Variants in ERC2 observed in about 807,000 individuals in gnomAD.
ERC2 encodes ELKS/RAB6-interacting/CAST family member 2, also known as ERC protein 2.
ERC2 carries 42 observed loss-of-function variants against 114.8 expected under a neutral mutation model. The ratio of observed to expected loss-of-function variants is 0.37; its 90% confidence interval spans 0.29 to 0.47. The LOEUF (loss-of-function observed/expected upper bound fraction) is 0.47, where lower values mean the gene tolerates loss of function less well. ERC2 is among the 20% of genes least tolerant of loss of function. The pLI, the probability that ERC2 is intolerant of heterozygous loss-of-function variation, is 0.99. For missense variants in ERC2, 939 were observed against 1,150.7 expected (o/e 0.82, Z 2.66); for synonymous variants, 454 against 425.5 (o/e 1.07, Z -0.82).
intron 14 of ERC2, among the ~76,000 whole-genome samples, chr3:55,882,024 T>C (rs932250322): frequency 6.6e-6 from 1 of 152,192 alleles, no homozygotes; most frequent in African/African-American, 2.4e-5. Flanking sequence ...GGTTTGAATA[T>C]TTGTCCCCTC....
chr3:56,101,233 A>G (rs1436088044), intron 6 of ERC2, among the ~76,000 whole-genome samples: 1 of 152,164 alleles, frequency 6.6e-6, no homozygotes, highest in African/African-American at 2.4e-5. Context: ...CACCTCCGTA[A>G]CTCATATCAC....
chr3:56,372,886 CA>C (rs1327395753), intron 2 of ERC2, among the ~76,000 whole-genome samples: 1 of 152,190 alleles, frequency 6.6e-6, no homozygotes, highest in African/African-American at 2.4e-5. Context: ...CCTAACTAAG[CA>C]ACTCAGGCAG....
At chr3:56,370,748 C>T (rs148741695) in intron 2 of ERC2, among the ~76,000 whole-genome samples, 5,048 of 152,036 alleles carry the variant, frequency 0.033, 179 homozygotes, top group African/African-American at 0.081. Flanking sequence ...GCATGCACCA[C>T]CACACCCAGC....
chr3:56,148,326 C>G (rs942006520), intron 5 of ERC2, among the ~76,000 whole-genome samples: 2 of 152,072 alleles, frequency 1.3e-5, no homozygotes, highest in African/African-American at 4.8e-5. Flanking sequence ...TGCTCTGTCA[C>G]CCAGGCTGGA....
At chr3:55,568,606 C>T (rs914958896) in intron 17 of ERC2, among the ~76,000 whole-genome samples, 1 of 152,162 alleles carries the variant, frequency 6.6e-6, no homozygotes, top group Admixed American at 6.5e-5. Flanking sequence ...TGCTTCCCTC[C>T]ATCTCCACTG....
At chr3:56,034,790 T>C (rs1212370263) in intron 7 of ERC2, among the ~76,000 whole-genome samples, 1 of 151,848 alleles carries the variant, frequency 6.6e-6, no homozygotes, top group Non-Finnish European at 1.5e-5. Flanking sequence ...AATGGAAACA[T>C]AGCATACAAA....
intron 2 of ERC2, among the ~76,000 whole-genome samples, chr3:56,412,368 T>C (rs1339281986): frequency 6.6e-6 from 1 of 152,240 alleles, no homozygotes; most frequent in Admixed American, 6.5e-5. Flanking sequence ...GGTAGTTTGT[T>C]ATGGCAATGC....
chr3:56,262,186 C>T (rs1477806072), intron 3 of ERC2, among the ~76,000 whole-genome samples: 2 of 152,084 alleles, frequency 1.3e-5, no homozygotes, highest in Non-Finnish European at 2.9e-5. Flanking sequence ...ATTTTGTAGA[C>T]TATGTTTGGA....
chr3:55,684,762 G>T (rs544212909), intron 16 of ERC2, among the ~76,000 whole-genome samples: 1 of 152,308 alleles, frequency 6.6e-6, no homozygotes, highest in South Asian at 2.1e-4. Flanking sequence ...CCAAAGCAAA[G>T]TCCCTTTTTT....
chr3:56,032,358 C>G (rs998343160), intron 7 of ERC2, among the ~76,000 whole-genome samples: 2 of 152,078 alleles, frequency 1.3e-5, no homozygotes, highest in African/African-American at 4.8e-5. Context: ...AAAGTACCAA[C>G]TCAAAAGAAG....
At chr3:55,685,022 C>A (rs1230473479) in intron 16 of ERC2, among the ~76,000 whole-genome samples, 2 of 152,160 alleles carry the variant, frequency 1.3e-5, no homozygotes, top group African/African-American at 4.8e-5. Flanking sequence ...CCATTTTTAC[C>A]TAGAAAAATA....
chr3:55,637,275 C>A (rs1218771050), intron 17 of ERC2, among the ~76,000 whole-genome samples: 1 of 152,172 alleles, frequency 6.6e-6, no homozygotes, highest in East Asian at 1.9e-4. Context: ...AAATGTAATT[C>A]CTTCTCATTC....
At chr3:55,678,419 G>A (rs1363484177) in intron 17 of ERC2, among the ~76,000 whole-genome samples, 1 of 152,122 alleles carries the variant, frequency 6.6e-6, no homozygotes, top group Non-Finnish European at 1.5e-5. Context: ...AAGAGCCAAT[G>A]GCAACTTCCT....
intron 3 of ERC2, among the ~76,000 whole-genome samples, chr3:56,289,593 C>T (rs549510356): frequency 1.3e-4 from 20 of 152,310 alleles, no homozygotes; most frequent in Middle Eastern, 3.4e-3. Context: ...TCAGCTGCTC[C>T]AAACTCACCG....
intron 4 of ERC2, among the ~76,000 whole-genome samples, chr3:56,169,114 CT>C (rs2082484164): frequency 6.6e-6 from 1 of 152,188 alleles, no homozygotes; most frequent in Non-Finnish European, 1.5e-5. Context: ...ATGCCTCTGG[CT>C]TCTTAATCCA....
At chr3:55,680,930 C>G (rs1359205921) in intron 17 of ERC2, among the ~76,000 whole-genome samples, 1 of 152,102 alleles carries the variant, frequency 6.6e-6, no homozygotes, top group African/African-American at 2.4e-5. Flanking sequence ...TGTGAGGCCC[C>G]TTCTTTGAAA....
intron 17 of ERC2, among the ~76,000 whole-genome samples, chr3:55,641,795 C>T (rs1315068791): frequency 6.6e-6 from 1 of 152,088 alleles, no homozygotes; most frequent in Non-Finnish European, 1.5e-5. Flanking sequence ...ACTTTAGGTG[C>T]CTTAGTGCCT....
At chr3:56,367,945 TAAA>T (rs56372235) in intron 2 of ERC2, among the ~76,000 whole-genome samples, 14 of 118,038 alleles carry the variant, frequency 1.2e-4, no homozygotes, top group Admixed American at 1.7e-4. Flanking sequence ...CATCTCTCTT[TAAA>T]AAAAAAAAAA....
intron 1 of ERC2, among the ~76,000 whole-genome samples, chr3:56,448,728 A>G (rs945773640): frequency 2.0e-5 from 3 of 152,332 alleles, no homozygotes; most frequent in Admixed American, 2.0e-4. Context: ...AGCCGTAGAC[A>G]ATTTGAAACC....
Sources: gnomAD v4.1 joint callset for allele counts (sites outside exome capture counted in the v4.1 genomes callset) on GRCh38, gnomAD v4.1.1 for gene constraint, MANE v1.5 for transcripts, NCBI Gene and HGNC (gene_info 2026-07-23, HGNC 2026-07-21) for gene names.